The following KCNJ6 variants were observed in gnomAD, a reference collection of about 807,000 sequenced individuals.
The protein encoded by KCNJ6 is G protein-activated inward rectifier potassium channel 2.
In KCNJ6, 9 loss-of-function variants were observed where a neutral mutation model predicts 34.2. That is an observed-to-expected ratio of 0.26 (90% CI 0.16 to 0.46). The LOEUF (loss-of-function observed/expected upper bound fraction) is 0.46. Ranked by LOEUF, KCNJ6 falls within the 20% of genes least tolerant of loss-of-function variation. KCNJ6 has a pLI of 1.00. For missense variants in KCNJ6, 236 were observed against 531.3 expected, an observed-to-expected ratio of 0.44 and a Z score of 5.46; for synonymous variants, 196 against 207.1, an observed-to-expected ratio of 0.95 and a Z score of 0.46.
At chr21:37,808,194 G>A (rs529177200) in intron 2 of KCNJ6, among the ~76,000 whole-genome samples, 4 of 152,288 alleles carry the variant, frequency 2.6e-5, no homozygotes, top group East Asian at 1.9e-4. Context: ...AATACCTAAC[G>A]AAATCCGTGG....
At chr21:37,679,306 C>T (rs959753116) in intron 3 of KCNJ6, among the ~76,000 whole-genome samples, 3 of 152,156 alleles carry the variant, frequency 2.0e-5, no homozygotes, top group African/African-American at 7.2e-5. Context: ...TGTTTTCAGC[C>T]ACTAAGTTTT....
At chr21:37,799,052 C>T (rs2055256910) in intron 2 of KCNJ6, among the ~76,000 whole-genome samples, 1 of 152,066 alleles carries the variant, frequency 6.6e-6, no homozygotes, top group Non-Finnish European at 1.5e-5. Flanking sequence ...GGTTATTTTT[C>T]CTGATCCTCT....
intron 3 of KCNJ6, among the ~76,000 whole-genome samples, chr21:37,689,987 T>C (rs1197589250): frequency 6.6e-6 from 1 of 152,210 alleles, no homozygotes; most frequent in Non-Finnish European, 1.5e-5. Context: ...TAATTTTAGA[T>C]AAATTATTTC....
At chr21:37,861,448 T>C (rs1181277782) in intron 1 of KCNJ6, among the ~76,000 whole-genome samples, 1 of 152,184 alleles carries the variant, frequency 6.6e-6, no homozygotes, top group Non-Finnish European at 1.5e-5. Flanking sequence ...TGACCTCATT[T>C]TACCTCTATC....
chr21:37,885,500 G>A lies in KCNJ6; in HGVS notation c.-28+30384C>T, dbSNP rs1205325694. Among the ~76,000 whole-genome samples the A allele has an allele frequency of 7.9e-5, 12 of 152,188 alleles. 1 individual carries two copies. Among genetic ancestry groups the A allele is most frequent in the Admixed American group, 7.9e-4 (12 of 15,286 alleles). ...TTTAAGAGAGGGAGATGATCCTGTG[G>A]GGGCAGACCTGAGCACTTCAAAGTG... On this transcript the variant is annotated intron_variant, in intron 1 of 3. Transcript: ENST00000609713.
intron 3 of KCNJ6, among the ~76,000 whole-genome samples, chr21:37,635,527 G>GT (rs1343235213): frequency 2.0e-5 from 3 of 149,950 alleles, no homozygotes; most frequent in South Asian, 2.1e-4. Context: ...CTATTATTTT[G>GT]TTTTTTTGAG....
intron 1 of KCNJ6, among the ~76,000 whole-genome samples, chr21:37,870,680 T>G (rs1196212711): frequency 6.6e-6 from 1 of 151,852 alleles, no homozygotes; most frequent in African/African-American, 2.4e-5. Context: ...CACAGTACAA[T>G]GTATGCCCAA....
At chr21:37,856,201 C>A (rs1162640433) in intron 1 of KCNJ6, among the ~76,000 whole-genome samples, 1 of 152,204 alleles carries the variant, frequency 6.6e-6, no homozygotes, top group East Asian at 1.9e-4. Context: ...TCTCGTAATT[C>A]TTCTCTCTGA....
At chr21:37,875,658 A>T (rs915254664) in intron 1 of KCNJ6, among the ~76,000 whole-genome samples, 4 of 152,222 alleles carry the variant, frequency 2.6e-5, no homozygotes, top group East Asian at 3.9e-4. Context: ...GTGAAACTTA[A>T]AAGTAATTTT....
chr21:37,881,119 G>T (rs554951065), intron 1 of KCNJ6, among the ~76,000 whole-genome samples: 32 of 152,106 alleles, frequency 2.1e-4, no homozygotes, highest in Non-Finnish European at 3.2e-4. Context: ...TTTTTCAGGG[G>T]TTCACTAAAT....
chr21:37,914,008 G>GGTGTGTGTGTGTGTGTGTGTGTGTGT (rs371432862), intron 1 of KCNJ6, among the ~76,000 whole-genome samples: 2 of 135,480 alleles, frequency 1.5e-5, no homozygotes, highest in African/African-American at 2.8e-5. Context: ...GGCGGATCGG[G>GGTGTGTGTGTGTGTGTGTGTGTGTGT]GTGTGTGTGT....
intron 2 of KCNJ6, among the ~76,000 whole-genome samples, chr21:37,799,306 T>C (rs933675017): frequency 9.8e-5 from 15 of 152,290 alleles, no homozygotes; most frequent in South Asian, 6.2e-4. Flanking sequence ...GGAGGGGAAA[T>C]GCCTTAGCCA....
At chr21:37,913,782 C>A (rs1469183731) in intron 1 of KCNJ6, among the ~76,000 whole-genome samples, 1 of 151,960 alleles carries the variant, frequency 6.6e-6, no homozygotes, top group African/African-American at 2.4e-5. Flanking sequence ...CGAGCCACTG[C>A]ACTCTAGCCT....
intron 2 of KCNJ6, among the ~76,000 whole-genome samples, chr21:37,789,928 T>C (rs2055209308): frequency 6.6e-6 from 1 of 152,192 alleles, no homozygotes; most frequent in African/African-American, 2.4e-5. Context: ...TTGATAGCAC[T>C]TGTGACTTCA....
intron 3 of KCNJ6, among the ~76,000 whole-genome samples, chr21:37,662,438 A>G (rs951366181): frequency 1.3e-5 from 2 of 152,200 alleles, no homozygotes; most frequent in African/African-American, 4.8e-5. Flanking sequence ...AAAGGACATG[A>G]TCTCATTCCT....
chr21:37,717,931 A>C (rs1311156385), intron 2 of KCNJ6, among the ~76,000 whole-genome samples: 1 of 152,188 alleles, frequency 6.6e-6, no homozygotes, highest in Non-Finnish European at 1.5e-5. Context: ...CTAAACTGCA[A>C]ACCCCCAGCT....
chr21:37,855,914 A>C (rs1426289798), intron 1 of KCNJ6, among the ~76,000 whole-genome samples: 1 of 152,228 alleles, frequency 6.6e-6, no homozygotes, highest in Non-Finnish European at 1.5e-5. Flanking sequence ...AAGCACGGCC[A>C]GGGGCCTCTG....
chr21:37,865,024 T>G (rs1288909116), intron 1 of KCNJ6, among the ~76,000 whole-genome samples: 2 of 152,100 alleles, frequency 1.3e-5, no homozygotes, highest in Admixed American at 1.3e-4. Context: ...ATGTTCTCTA[T>G]GCCCATGAGG....
rs2054240868 is a variant in KCNJ6, at chr21:37,610,931, T to C, written c.*14228A>G. ...CATTTAAGTTTCCATTTTAAAAAAG[T>C]AGAAAAAAAGAGCAAATTAAACCCA... On this transcript the variant is annotated 3_prime_UTR_variant, in exon 4 of 4. Transcript: ENST00000609713. 1 of 151,394 alleles carries C rather than the reference T, an allele frequency of 6.6e-6. No individual in the cohort carries two copies. The highest frequency in any genetic ancestry group is 2.1e-4 in the South Asian group (1 of 4,804). 9.4% of individuals were successfully genotyped at this position (151,394 alleles called of 1,614,324 possible).
Sources: gnomAD v4.1 joint callset for allele counts (sites outside exome capture counted in the v4.1 genomes callset) on GRCh38, gnomAD v4.1.1 for gene constraint, MANE v1.5 for transcripts, NCBI Gene and HGNC (gene_info 2026-07-23, HGNC 2026-07-21) for gene names.